Variants in PDXDC1 observed in about 807,000 individuals in gnomAD.
PDXDC1 encodes the protein pyridoxal-dependent decarboxylase domain-containing protein 1.
Under a neutral mutation model 100.1 loss-of-function variants are expected in PDXDC1, and 42 were observed. The ratio of observed to expected loss-of-function variants is 0.42; its 90% confidence interval spans 0.33 to 0.54. The LOEUF is 0.54. Among genes scored for constraint, PDXDC1 ranks in the 20% least tolerant of loss-of-function variants. The probability of loss-of-function intolerance (pLI) is 0.10; values close to 1 mark genes in which losing one functional copy is unlikely to be tolerated. For synonymous variants in PDXDC1, 260 were observed against 371.7 expected (o/e 0.70, Z 3.46); for missense variants, 636 against 979.2 (o/e 0.65, Z 4.68).
At chr16:15,023,265 T>C (rs546350586) in intron 13 of PDXDC1, among the ~76,000 whole-genome samples, 1 of 152,404 alleles carries the variant, frequency 6.6e-6, no homozygotes, top group South Asian at 2.1e-4. Context: ...TAGGCATAAC[T>C]AGACAAGGAA....
At chr16:15,150,347 CAATAAATA>C in the PDXDC1 span, among the ~76,000 whole-genome samples, 372 of 141,206 alleles carry the variant, frequency 2.6e-3, 2 homozygotes, top group Non-Finnish European at 3.0e-3. Context: ...TCTCAAATAA[CAATAAATA>C]AATAAATAAA....
At position 14,997,749 on chromosome 16, in the gene PDXDC1, C is replaced by G; in HGVS notation, c.22-4C>G. The G allele has an allele frequency of 6.2e-7, 1 of 1,602,490 alleles. No individual in the cohort carries two copies. Among genetic ancestry groups the G allele is most frequent in the Non-Finnish European group, 8.5e-7 (1 of 1,177,344 alleles). ...ATTTCTTTCTTTTTTTTTTTGTTTC[C>G]CAGATAGCAGACCCCACGTTAGCTG... On this transcript the variant is annotated splice_region_variant and splice_polypyrimidine_tract_variant and intron_variant, in intron 1 of 22. Coordinates refer to ENST00000396410, the MANE Select transcript of PDXDC1 (RefSeq NM_015027.4).
chr16:14,994,014 A>C (rs1297931612), intron 1 of PDXDC1, among the ~76,000 whole-genome samples: 1 of 152,372 alleles, frequency 6.6e-6, no homozygotes, highest in South Asian at 2.1e-4. Flanking sequence ...AATTTGTTTG[A>C]GTTCATTGTA....
At chr16:15,090,384 C>T (rs1452908120) in intron 16 of PDXDC1, among the ~76,000 whole-genome samples, 1 of 152,206 alleles carries the variant, frequency 6.6e-6, no homozygotes, top group East Asian at 1.9e-4. Flanking sequence ...GAGTCAGAGA[C>T]TGTTCTAAGT....
intron 16 of PDXDC1, among the ~76,000 whole-genome samples, chr16:15,077,996 A>G (rs1488289699): frequency 6.6e-6 from 1 of 152,224 alleles, no homozygotes; most frequent in Non-Finnish European, 1.5e-5. Flanking sequence ...AAAATGATGA[A>G]CTGCCAGCCA....
chr16:15,150,118 G>A, the PDXDC1 span, among the ~76,000 whole-genome samples: 1 of 152,072 alleles, frequency 6.6e-6, no homozygotes, highest in Non-Finnish European at 1.5e-5. Context: ...GCTGAGGCGG[G>A]TGGATCACGA....
intron 16 of PDXDC1, chr16:15,093,823 C>A: frequency 2.4e-6 from 1 of 411,306 alleles, no homozygotes; most frequent in Non-Finnish European, 4.3e-6. Context: ...CCAGGGAAAT[C>A]CCTTCCAAAT....
At chr16:15,100,900 C>CA (rs897064784) in intron 16 of PDXDC1, among the ~76,000 whole-genome samples, 2 of 152,138 alleles carry the variant, frequency 1.3e-5, no homozygotes, top group Admixed American at 6.6e-5. Context: ...ACGTGAGGAT[C>CA]AATTGAGCCC....
chr16:15,102,870 T>G (rs1008489962), intron 16 of PDXDC1, among the ~76,000 whole-genome samples: 3 of 149,440 alleles, frequency 2.0e-5, no homozygotes, highest in South Asian at 2.1e-4. Context: ...GCCCGGAAGT[T>G]CAAGGCTAAA....
At chr16:15,055,959 C>A (rs2044497116) in intron 16 of PDXDC1, 3 of 1,227,686 alleles carry the variant, frequency 2.4e-6, no homozygotes, top group Non-Finnish European at 3.0e-6. Flanking sequence ...CGCCCCTCGA[C>A]GAGCAGCGGC....
intron 11 of PDXDC1, among the ~76,000 whole-genome samples, chr16:15,017,995 A>G (rs141113964): frequency 6.6e-6 from 1 of 152,246 alleles, no homozygotes; most frequent in East Asian, 1.9e-4. Context: ...TGTTTCACCA[A>G]GTTGGTCATG....
chr16:15,111,847 G>C (rs770191830), intron 16 of PDXDC1, among the ~76,000 whole-genome samples: 1 of 148,032 alleles, frequency 6.8e-6, no homozygotes, highest in African/African-American at 2.4e-5. Context: ...TTATCATCTT[G>C]TAAGTATTTT....
In PDXDC1 at chr16:15,084,683, T is replaced by C. The variant is rs545051054; in HGVS notation, c.1400-54196T>C. 1.3e-5 allele frequency: 21 copies of C among 1,613,094 alleles called. No homozygotes were observed. In the East Asian group the frequency reaches 2.9e-4, roughly 22 times the overall value. On this transcript the variant is annotated intron_variant, in intron 16 of 16. Coordinates refer to the PDXDC1 transcript ENST00000535621. Reference sequence around the variant, plus strand: ...CTATTATTTGCAAGGCTCTGTGACATGTGTCAAAATTTGCAGGAAGATCTG... The same window carrying C: ...CTATTATTTGCAAGGCTCTGTGACACGTGTCAAAATTTGCAGGAAGATCTG...
intron 16 of PDXDC1, among the ~76,000 whole-genome samples, chr16:15,058,511 G>C (rs1567176419): frequency 6.6e-6 from 1 of 152,136 alleles, no homozygotes; most frequent in South Asian, 2.1e-4. Flanking sequence ...CAGATTGCTT[G>C]AGGTTAGGAG....
chr16:15,137,332 G>A (rs1311028509), intron 16 of PDXDC1: 143 of 1,430,168 alleles, frequency 1.0e-4, no homozygotes, highest in Non-Finnish European at 1.3e-4. Context: ...CGGAGCAGAG[G>A]GACAGGCAGG....
chr16:15,006,473 C>A lies in PDXDC1; in HGVS notation c.469C>A (p.Arg157=), dbSNP rs772260165. The change falls in exon 6 of 23, where the codon CGA becomes AGA. Residue 157 remains arginine (R), a synonymous_variant. Transcript: ENST00000396410. The part of the protein sequence containing the change: ...AKICRLAIHS[R]YEDFVVDGFN... ...GATATGTAGGCTTGCCATTCATTCTCGATATGAAGACTTCGTAGTGGATGG... is the reference window on the plus strand; with the variant it reads ...GATATGTAGGCTTGCCATTCATTCTAGATATGAAGACTTCGTAGTGGATGG... 1 of 1,610,394 alleles carries A rather than the reference C, an allele frequency of 6.2e-7. No individual in the cohort carries two copies. Among genetic ancestry groups the A allele is most frequent in the Non-Finnish European group, 8.5e-7 (1 of 1,177,338 alleles).
intron 16 of PDXDC1, among the ~76,000 whole-genome samples, chr16:15,074,081 T>G (rs951063090): frequency 2.6e-5 from 4 of 152,212 alleles, no homozygotes; most frequent in Non-Finnish European, 4.4e-5. Flanking sequence ...ACAATGGTTC[T>G]CTGAAGAGTA....
intron 16 of PDXDC1, among the ~76,000 whole-genome samples, chr16:15,075,947 C>A (rs780046679): frequency 9.2e-5 from 14 of 152,174 alleles, no homozygotes; most frequent in Admixed American, 7.9e-4. Flanking sequence ...CAGCCCCTCC[C>A]CCTTAGAACC....
intron 16 of PDXDC1, chr16:15,127,928 G>A (rs1224895919): frequency 5.7e-6 from 8 of 1,398,656 alleles, no homozygotes; most frequent in African/African-American, 1.4e-5. Context: ...CACTGCAGGA[G>A]GCCACGGGGC....
Sources: allele counts gnomAD v4.1 joint callset (sites outside exome capture counted in the v4.1 genomes callset), GRCh38; gene constraint gnomAD v4.1.1; transcripts MANE v1.5; gene names NCBI Gene and HGNC (gene_info 2026-07-23, HGNC 2026-07-21).